The following MYH3 variants were observed in gnomAD, a reference collection of about 807,000 sequenced individuals.
The protein encoded by MYH3 is myosin heavy chain 3.
A neutral mutation model predicts 238.0 loss-of-function variants in MYH3; 130 were observed. The ratio of observed to expected loss-of-function variants is 0.55; its 90% CI spans 0.47 to 0.63. The LOEUF (loss-of-function observed/expected upper bound fraction) is 0.63, where lower values mean the gene tolerates loss of function less well. Ranked by LOEUF, MYH3 falls within the 30% of genes least tolerant of loss-of-function variation. MYH3 has a pLI of 0.00. For missense variants in MYH3, 1,853 were observed against 2,374.9 expected, an observed-to-expected ratio of 0.78 and a Z score of 4.57; for synonymous variants, 880 against 924.1, an observed-to-expected ratio of 0.95 and a Z score of 0.86.
At chr17:10,657,408 G>A (rs2074444164), upstream of MYH3, 1 of 152,318 alleles carries the variant, frequency 6.6e-6, no homozygotes, top group Admixed American at 6.5e-5. Flanking sequence ...GCCCCCCCAA[G>A]CCGAGAACCA....
At chr17:10,661,067 C>G (rs2074477207), upstream of MYH3, among the ~76,000 whole-genome samples, 1 of 151,544 alleles carries the variant, frequency 6.6e-6, no homozygotes, top group Non-Finnish European at 1.5e-5. Context: ...ACCTCCACCT[C>G]CCAGGTTCAA....
chr17:10,656,678 C>G (rs886069407), intron 1 of MYH3, among the ~76,000 whole-genome samples: 5 of 152,202 alleles, frequency 3.3e-5, no homozygotes, highest in African/African-American at 9.6e-5. Context: ...TTCTCTCAGC[C>G]TGCACTGGCA....
Position 10,642,472 on chromosome 17 carries a change from C to G in MYH3, c.1833G>C (p.Gln611His). 6.2e-7 allele frequency: 1 copy of G among 1,614,242 alleles called. No individual in the cohort carries two copies. Among genetic ancestry groups the G allele is most frequent in the Non-Finnish European group, 8.5e-7 (1 of 1,180,042 alleles). Residue 611 changes from glutamine (Q) to histidine (H), a missense_variant, in exon 16 of 41, where the codon CAG becomes CAC. Physicochemically the swap from Gln to His is conservative, Grantham distance 24. Transcript: ENST00000583535. This position sits in a 1 kb window ranked among gnomAD's most constrained non-coding sequence, Gnocchi z 5.4. ...PLNETVVGLY[Q>H]KSSNRLLAHL... ...GTGCCAGGAGCCTGTTGGAAGACTT[C>G]TGGTACAGCCCAACCACAGTCTCGT...
At chr17:10,629,783 G>A in intron 39 of MYH3, 49 bp from the exon 40 acceptor site, 1 of 1,614,116 alleles carries the variant, frequency 6.2e-7, no homozygotes, top group Non-Finnish European at 8.5e-7. Flanking sequence ...GCCTCTCTCA[G>A]AACTCACCAC....
intron 36 of MYH3, among the ~76,000 whole-genome samples, chr17:10,630,806 T>A (rs563470443): frequency 8.6e-5 from 13 of 151,474 alleles, no homozygotes; most frequent in African/African-American, 3.2e-4. Context: ...AGCCGAGATC[T>A]CGCCATTGCA....
In MYH3 at chr17:10,632,623, G is replaced by A. The variant is rs776047360; in HGVS notation, c.4809C>T (p.Asp1603=). The stretch of plus-strand genomic sequence containing the variant: ...CTTCATTCCTGCTCCGCACCTCGGC[G>A]TCCAGGGCGCTCTGCATGGTTTCCA... ...RTVETMQSAL[D]AEVRSRNEAI... Residue 1603 remains aspartate, a synonymous_variant, in exon 34 of 41, where the codon GAC becomes GAT. Coordinates refer to ENST00000583535, the MANE Select transcript of MYH3 (RefSeq NM_002470.4). 31 of 1,613,976 alleles carry A rather than the reference G, an allele frequency of 1.9e-5. 1 individual carries two copies. The highest frequency in any genetic ancestry group is 3.3e-4 in the Middle Eastern group (2 of 6,084).
At chr17:10,670,386 G>C in the MYH3 span, among the ~76,000 whole-genome samples, 1 of 152,156 alleles carries the variant, frequency 6.6e-6, no homozygotes, top group East Asian at 1.9e-4. The surrounding 1 kb of genome is among the most constrained non-coding windows in gnomAD (Gnocchi z 7.0). Context: ...AATTGACCCA[G>C]AGATAAACTA....
chr17:10,659,028 G>C (rs960080868), upstream of MYH3: 1 of 151,652 alleles, frequency 6.6e-6, no homozygotes, highest in Non-Finnish European at 1.5e-5. Flanking sequence ...CAGCAGTGGT[G>C]TATGCAGGGC....
Position 10,644,626 on chromosome 17 carries a change from T to G in MYH3, c.1218A>C (p.Lys406Asn). The change falls in exon 13 of 41, where the codon AAA (lysine) becomes AAC (asparagine). Residue 406 changes from lysine to asparagine, a missense_variant. Physicochemically the swap from Lys to Asn is moderately conservative, Grantham distance 94. This residue lies in a region of MYH3 where 678 missense variants were observed against 1,058.9 expected (regional missense o/e 0.64). Coordinates refer to ENST00000583535, the MANE Select transcript of MYH3 (RefSeq NM_002470.4). ...CTTTGGTAACGTACTCATTCCCAAC[T>G]TTCACTCTAGGAAAGCACAAAGCTT... ...LLKALCFPRV[K>N]VGNEYVTKGQ... is the part of the protein sequence containing the mutation. 6.2e-7 allele frequency: 1 copy of G among 1,614,150 alleles called. No homozygotes were observed. The highest frequency in any genetic ancestry group is 8.5e-7 in the Non-Finnish European group (1 of 1,180,040).
intron 28 of MYH3, among the ~76,000 whole-genome samples, chr17:10,637,560 T>C (rs539738273): frequency 1.3e-5 from 2 of 152,330 alleles, no homozygotes; most frequent in African/African-American, 4.8e-5. Context: ...TTGAATGAGA[T>C]GATATTTTGA....
intron 36 of MYH3, among the ~76,000 whole-genome samples, chr17:10,631,129 A>T (rs1426294771): frequency 2.0e-5 from 3 of 152,202 alleles, no homozygotes; most frequent in Admixed American, 2.0e-4. Context: ...GTCTGACTTG[A>T]TACTCAGCCT....
chr17:10,633,187 C>G (rs1204609204), intron 33 of MYH3, among the ~76,000 whole-genome samples: 1 of 151,794 alleles, frequency 6.6e-6, no homozygotes, highest in South Asian at 2.1e-4. Flanking sequence ...GCAACAAGAG[C>G]AAAACTCTGT....
At position 10,639,816 on chromosome 17, in the gene MYH3, G is replaced by T. The variant is rs202129717; in HGVS notation, c.2683-14C>A. The T allele has an allele frequency of 7.6e-4, 1,227 of 1,610,814 alleles. 3 individuals carry two copies. The Middle Eastern group carries it at 0.012, about 15-fold the overall frequency. Reference sequence around the variant, plus strand: ...ATTTTCGCTTTCCTTAAAAAAAAAAGAATAATAACTTCGTTGAATGATATA... The same window carrying T: ...ATTTTCGCTTTCCTTAAAAAAAAAATAATAATAACTTCGTTGAATGATATA... On this transcript the variant is annotated splice_polypyrimidine_tract_variant and intron_variant, in intron 22 of 40. Transcript: ENST00000583535.
At position 10,642,169 on chromosome 17, in the gene MYH3, A is replaced by C; in HGVS notation, c.1959+71T>G. ...TACTACTCTCAAATAAATCAAGCTT[A>C]GAATCTCAGCATTGCTCATTTAGAT... On this transcript the variant is annotated intron_variant, in intron 17 of 40. Transcript: ENST00000583535. The surrounding 1 kb of genome is among the most constrained non-coding windows in gnomAD (Gnocchi z 5.4). 7.2e-7 allele frequency: 1 copy of C among 1,384,772 alleles called. No individual in the cohort carries two copies. Among genetic ancestry groups the C allele is most frequent in the Non-Finnish European group, 1.0e-6 (1 of 983,044 alleles). The allele number at this position is 1,384,772 out of a possible 1,614,324, so 85.8% of individuals were successfully genotyped here. A position where few individuals can be genotyped will look rare whatever the true frequency, so the allele number is the denominator to read the frequency against.
chr17:10,662,349 A>G, the MYH3 span, among the ~76,000 whole-genome samples: 1 of 152,148 alleles, frequency 6.6e-6, no homozygotes, highest in Non-Finnish European at 1.5e-5. Flanking sequence ...AAAAATGTCA[A>G]GCATTTAGGT....
At chr17:10,664,589 C>A in the MYH3 span, among the ~76,000 whole-genome samples, 30 of 149,332 alleles carry the variant, frequency 2.0e-4, no homozygotes, top group African/African-American at 7.3e-4. Flanking sequence ...GAAAGATGAA[C>A]AAGTAATGAG....
chr17:10,635,398 T>C lies in MYH3; in HGVS notation c.4141A>G (p.Ile1381Val). The C allele has an allele frequency of 6.2e-7, 1 of 1,614,032 alleles. No individual in the cohort carries two copies. Among genetic ancestry groups the C allele is most frequent in the Non-Finnish European group, 8.5e-7 (1 of 1,179,874 alleles). The change falls in exon 30 of 41, where the codon ATC (isoleucine) becomes GTC (valine). Residue 1381 changes from isoleucine to valine, a missense_variant. Transcript: ENST00000583535. ...QWRTKYETDA[I>V]QRTEELEEAK... ...TCCTCCAGCTCTTCTGTGCGCTGGATGGCGTCCGTCTCGTATTTGGTTCTC... is the reference window on the plus strand; with the variant it reads ...TCCTCCAGCTCTTCTGTGCGCTGGACGGCGTCCGTCTCGTATTTGGTTCTC...
rs750507900 is a variant in MYH3, at chr17:10,637,976, T to G, written c.3730-41A>C. On this transcript the variant is annotated intron_variant, in intron 27 of 40. Coordinates refer to ENST00000583535, the MANE Select transcript of MYH3 (RefSeq NM_002470.4). ...AGGGGAGCAAAGTCAGTCAGCAAAG[T>G]CAGGTTTCAATGACCACGGAGTGTG... is the stretch of plus-strand genomic sequence containing the variant. 2.5e-6 allele frequency: 4 copies of G among 1,614,000 alleles called. No individual in the cohort carries two copies. The African/African-American group carries it at 5.3e-5, about 22-fold the overall frequency.
At position 10,648,412 on chromosome 17, in the gene MYH3, A is replaced by T. The variant is rs2074344158; in HGVS notation, c.735+145T>A. 4 of 777,712 alleles carry T rather than the reference A, an allele frequency of 5.1e-6. No homozygotes were observed. The African/African-American group carries it at 6.8e-5, about 13-fold the overall frequency. 48.2% of individuals were successfully genotyped at this position (777,712 alleles called of 1,614,324 possible). A position where few individuals can be genotyped will look rare whatever the true frequency, so the allele number is the denominator to read the frequency against. ...ACGCTGTTCATTGAACTTGGTCTGAATTTATCTTTATCTGAAATGGTCTTG... is the reference window on the plus strand; with the variant it reads ...ACGCTGTTCATTGAACTTGGTCTGATTTTATCTTTATCTGAAATGGTCTTG... On this transcript the variant is annotated intron_variant, in intron 8 of 40. Coordinates refer to ENST00000583535, the MANE Select transcript of MYH3 (RefSeq NM_002470.4).
Sources: gnomAD v4.1 joint callset for allele counts (sites outside exome capture counted in the v4.1 genomes callset) on GRCh38, gnomAD v4.1.1 for gene constraint, gnomAD v4.1.1 regional missense constraint, Gnocchi (gnomAD v3.1) non-coding constraint, MANE v1.5 for transcripts, NCBI Gene and HGNC (gene_info 2026-07-23, HGNC 2026-07-21) for gene names.